The following ZRANB1 variants were observed in gnomAD, a reference collection of about 807,000 sequenced individuals.
The protein encoded by ZRANB1 is zinc finger RANBP2-type containing 1.
A neutral mutation model predicts 80.5 loss-of-function variants in ZRANB1; 16 were observed. The ratio of observed to expected loss-of-function variants is 0.20; its 90% confidence interval spans 0.13 to 0.30. The LOEUF is 0.30. ZRANB1 is among the 10% of genes least tolerant of loss of function. The pLI, the probability that ZRANB1 is intolerant of heterozygous loss-of-function variation, is 1.00. For missense variants in ZRANB1, 576 were observed against 862.6 expected (o/e 0.67, Z 4.16); for synonymous variants, 291 against 293.1 (o/e 0.99, Z 0.07).
upstream of ZRANB1, among the ~76,000 whole-genome samples, chr10:124,941,461 C>T (rs139815980): frequency 6.6e-3 from 1,000 of 152,142 alleles, 57 homozygotes; most frequent in East Asian, 0.15. Flanking sequence ...TCAAGCAGTT[C>T]TCTGCCTCAG....
chr10:124,925,269 T>C, the ZRANB1 span, among the ~76,000 whole-genome samples: 2 of 152,128 alleles, frequency 1.3e-5, no homozygotes, highest in Non-Finnish European at 2.9e-5. Flanking sequence ...TCAACACTTG[T>C]TATTGTCTGT....
intron 5 of ZRANB1, among the ~76,000 whole-genome samples, chr10:124,981,138 G>A (rs763966501): frequency 2.8e-4 from 42 of 152,182 alleles, no homozygotes; most frequent in Admixed American, 7.9e-4. Context: ...GAATCGATGT[G>A]TTTTCAGTAA....
Position 124,981,925 on chromosome 10 carries a change from CAAAG to C in ZRANB1, c.1548+100_1548+103del, listed in dbSNP as rs1951937589. On this transcript the variant is annotated intron_variant, in intron 6 of 8. Coordinates refer to ENST00000359653, the MANE Select transcript of ZRANB1 (RefSeq NM_017580.3). ...CAAACCATGTTGGGGGCAATGTGGT[CAAAG>C]AAAAGAATGCTTGACGTGGTATCAT... The C allele has an allele frequency of 3.4e-6, 5 of 1,466,032 alleles. No individual in the cohort carries two copies. The African/African-American group carries it at 7.1e-5, about 21-fold the overall frequency. 90.8% of individuals were successfully genotyped at this position (1,466,032 alleles called of 1,614,324 possible). A position where few individuals can be genotyped will look rare whatever the true frequency, so the allele number is the denominator to read the frequency against.
chr10:124,923,279 AAAAC>A, the ZRANB1 span, among the ~76,000 whole-genome samples: 3,630 of 150,048 alleles, frequency 0.024, 173 homozygotes, highest in African/African-American at 0.077. Context: ...CTCTGTCTCA[AAAAC>A]AAACAAACAA....
the ZRANB1 span, among the ~76,000 whole-genome samples, chr10:124,922,127 G>A: frequency 6.6e-6 from 1 of 151,282 alleles, no homozygotes; most frequent in Non-Finnish European, 1.5e-5. Context: ...ATTTTTTGTA[G>A]AGACAAGATC....
At chr10:124,923,755 A>G in the ZRANB1 span, among the ~76,000 whole-genome samples, 1 of 151,782 alleles carries the variant, frequency 6.6e-6, no homozygotes, top group Admixed American at 6.6e-5. Flanking sequence ...CTTTTAAACT[A>G]TCAGATCTCC....
the ZRANB1 span, among the ~76,000 whole-genome samples, chr10:124,928,017 A>G: frequency 6.6e-6 from 1 of 152,248 alleles, no homozygotes; most frequent in Non-Finnish European, 1.5e-5. Flanking sequence ...AGCCTGGGTG[A>G]TAGAGCAAGA....
the ZRANB1 span, among the ~76,000 whole-genome samples, chr10:124,926,544 A>G: frequency 6.6e-6 from 1 of 152,154 alleles, no homozygotes; most frequent in African/African-American, 2.4e-5. Flanking sequence ...GGGCAATAAC[A>G]TGCGTAGAGC....
chr10:124,930,297 A>T, the ZRANB1 span, among the ~76,000 whole-genome samples: 1 of 151,648 alleles, frequency 6.6e-6, no homozygotes, highest in African/African-American at 2.4e-5. Context: ...ATGGATTCTC[A>T]CTCTGTCGCC....
intron 1 of ZRANB1, among the ~76,000 whole-genome samples, 184 bp downstream of exon 1, chr10:124,943,491 TAGTG>T (rs1272331320): frequency 4.0e-5 from 6 of 151,434 alleles, no homozygotes; most frequent in South Asian, 4.2e-4. Context: ...TTGGGTAACA[TAGTG>T]AGACTGTGTC....
At chr10:124,936,575 C>A in the ZRANB1 span, among the ~76,000 whole-genome samples, 1 of 152,098 alleles carries the variant, frequency 6.6e-6, no homozygotes, top group African/African-American at 2.4e-5. Flanking sequence ...AGGGTTTTAC[C>A]ATATCATCGA....
intron 1 of ZRANB1, among the ~76,000 whole-genome samples, chr10:124,955,223 G>GT (rs67627307): frequency 2.0e-5 from 3 of 150,322 alleles, no homozygotes; most frequent in Non-Finnish European, 3.0e-5. Flanking sequence ...ACATTAAAAG[G>GT]TTTTTTTTTG....
intron 3 of ZRANB1, 98 bp downstream of exon 3, chr10:124,972,216 T>C (rs1205461401): frequency 1.0e-5 from 11 of 1,088,650 alleles, no homozygotes; most frequent in Non-Finnish European, 1.3e-6. Context: ...GCACATAACA[T>C]AGCTACTGTA....
rs1331777017 is a variant in ZRANB1 at position 124,983,895 on chromosome 10, G to T, written c.1908+207G>T. Among the ~76,000 whole-genome samples, 2 of 152,098 alleles carry T rather than the reference G, an allele frequency of 1.3e-5. No homozygotes were observed. The highest frequency in any genetic ancestry group is 2.9e-5 in the Non-Finnish European group (2 of 68,024). ...CATCAAGGAACTTAAGGTGGTGATG[G>T]GTTTTAAGAAGAAAAAGTAAAGATG... On this transcript the variant is annotated intron_variant, in intron 8 of 8. Transcript: ENST00000359653. The surrounding 1 kb of genome is among the most constrained non-coding windows in gnomAD (Gnocchi z 6.2).
intron 4 of ZRANB1, 64 bp from the exon 5 acceptor site, chr10:124,974,136 C>T (rs1019572830): frequency 5.2e-6 from 8 of 1,530,538 alleles, no homozygotes; most frequent in Non-Finnish European, 6.3e-6. Flanking sequence ...AGGTTCTTCT[C>T]CCCATGAGTA....
chr10:124,948,703 C>A (rs1464926156), intron 1 of ZRANB1, among the ~76,000 whole-genome samples: 1 of 152,086 alleles, frequency 6.6e-6, no homozygotes, highest in African/African-American at 2.4e-5. Context: ...CATAACACTT[C>A]TAATATGCTT....
chr10:124,967,108 G>A (rs1951783442), intron 2 of ZRANB1, among the ~76,000 whole-genome samples: 1 of 152,148 alleles, frequency 6.6e-6, no homozygotes, highest in Admixed American at 6.5e-5. Context: ...GGATACAATT[G>A]TAAAGATACT....
chr10:124,974,371 A>AT lies in ZRANB1; in HGVS notation c.1401dup (p.Asp468Ter). The stretch of plus-strand genomic sequence containing the variant: ...GACTCAGTGCTTCGGAAAGCCCTGC[A>AT]TGACAGCCTGCATGACTGTTCACAT... On this transcript the variant is annotated frameshift_variant, in exon 5 of 9. Coordinates refer to ENST00000359653, the MANE Select transcript of ZRANB1 (RefSeq NM_017580.3). LOFTEE classifies it high-confidence loss of function. 6.2e-7 allele frequency: 1 copy of AT among 1,614,268 alleles called. No individual in the cohort carries two copies. Among genetic ancestry groups the AT allele is most frequent in the East Asian group, 2.2e-5 (1 of 44,888 alleles).
intron 1 of ZRANB1, among the ~76,000 whole-genome samples, chr10:124,958,436 A>G (rs1195178280): frequency 1.3e-5 from 2 of 152,240 alleles, no homozygotes; most frequent in Admixed American, 1.3e-4. Context: ...GACTATATGC[A>G]TTGTAGACTA....
Sources: gnomAD v4.1 joint callset for allele counts (sites outside exome capture counted in the v4.1 genomes callset) on GRCh38, gnomAD v4.1.1 for gene constraint, Gnocchi (gnomAD v3.1) non-coding constraint, MANE v1.5 for transcripts, NCBI Gene and HGNC (gene_info 2026-07-23, HGNC 2026-07-21) for gene names.